Variants in KHDRBS2 observed in about 807,000 individuals in gnomAD.
KHDRBS2 encodes the protein KH RNA binding domain containing, signal transduction associated 2, also known as KH domain-containing, RNA-binding, signal transduction-associated protein 2.
KHDRBS2 carries 26 observed loss-of-function variants against 44.3 expected under a neutral mutation model. That is an observed-to-expected ratio of 0.59 (90% confidence interval 0.43 to 0.81). The LOEUF (loss-of-function observed/expected upper bound fraction) is 0.81. KHDRBS2 is among the 40% of genes least tolerant of loss of function. The pLI, the probability that KHDRBS2 is intolerant of heterozygous loss-of-function variation, is 0.00. For missense variants in KHDRBS2, 476 were observed against 433.1 expected, an observed-to-expected ratio of 1.10 and a Z score of -0.88; for synonymous variants, 194 against 151.1, an observed-to-expected ratio of 1.28 and a Z score of -2.08.
intron 6 of KHDRBS2, among the ~76,000 whole-genome samples, chr6:61,832,810 A>T (rs934276301): frequency 1.3e-5 from 2 of 152,170 alleles, no homozygotes; most frequent in African/African-American, 4.8e-5. Context: ...TGGCAGTCTC[A>T]AGTCTTTTTG....
intron 1 of KHDRBS2, among the ~76,000 whole-genome samples, chr6:62,254,575 T>C (rs1262478503): frequency 6.6e-6 from 1 of 151,922 alleles, no homozygotes; most frequent in Non-Finnish European, 1.5e-5. Flanking sequence ...CAGATCTTTA[T>C]CAGAAAAGTA....
the KHDRBS2 span, among the ~76,000 whole-genome samples, chr6:61,590,438 T>C: frequency 3.9e-5 from 6 of 152,318 alleles, no homozygotes; most frequent in South Asian, 1.2e-3. Context: ...AAATAAATTC[T>C]GCAAGTTACT....
intron 6 of KHDRBS2, among the ~76,000 whole-genome samples, chr6:61,845,684 A>T (rs1794302019): frequency 6.6e-6 from 1 of 152,190 alleles, no homozygotes; most frequent in East Asian, 1.9e-4. Context: ...ACTTCTCACT[A>T]AACTACTACT....
chr6:61,702,574 AT>A (rs558510955), intron 7 of KHDRBS2, among the ~76,000 whole-genome samples: 16 of 152,058 alleles, frequency 1.1e-4, no homozygotes, highest in Admixed American at 2.0e-4. Context: ...AAATGTTTTA[AT>A]TTTAAAGACT....
chr6:62,079,866 C>A (rs955600868), intron 2 of KHDRBS2, among the ~76,000 whole-genome samples: 2 of 151,976 alleles, frequency 1.3e-5, no homozygotes, highest in African/African-American at 4.8e-5. Context: ...AATAGGAACT[C>A]TTCCAAATAA....
intron 7 of KHDRBS2, among the ~76,000 whole-genome samples, chr6:61,727,735 C>T (rs550439789): frequency 6.6e-6 from 1 of 152,196 alleles, no homozygotes; most frequent in African/African-American, 2.4e-5. Context: ...GAGATAACAT[C>T]TCACACCAGT....
At chr6:61,880,185 G>T (rs1333859270) in intron 6 of KHDRBS2, among the ~76,000 whole-genome samples, 2 of 151,784 alleles carry the variant, frequency 1.3e-5, no homozygotes, top group Admixed American at 6.6e-5. Context: ...GAAGACTCTC[G>T]AACAGATAAG....
At chr6:62,141,324 G>C (rs1562948334) in intron 2 of KHDRBS2, among the ~76,000 whole-genome samples, 1 of 152,156 alleles carries the variant, frequency 6.6e-6, no homozygotes, top group African/African-American at 2.4e-5. Flanking sequence ...ACAATATGTA[G>C]AGAAAGTGAT....
At chr6:62,042,149 C>T (rs1409590078) in intron 3 of KHDRBS2, among the ~76,000 whole-genome samples, 2 of 151,996 alleles carry the variant, frequency 1.3e-5, no homozygotes, top group Non-Finnish European at 2.9e-5. Context: ...ATCACAAGAG[C>T]TATGGTTCAG....
intron 3 of KHDRBS2, among the ~76,000 whole-genome samples, chr6:62,020,057 C>T (rs981257234): frequency 2.0e-5 from 3 of 151,722 alleles, no homozygotes; most frequent in Non-Finnish European, 4.4e-5. Context: ...ATGTTTAATG[C>T]TATGAAGTTC....
intron 6 of KHDRBS2, among the ~76,000 whole-genome samples, chr6:61,747,897 A>T (rs1438618220): frequency 1.3e-5 from 2 of 152,234 alleles, no homozygotes; most frequent in African/African-American, 4.8e-5. Flanking sequence ...GTTAACAGAT[A>T]AAATGTAAAT....
chr6:62,184,432 A>G (rs1386344963), intron 1 of KHDRBS2, among the ~76,000 whole-genome samples: 9 of 151,928 alleles, frequency 5.9e-5, no homozygotes, highest in Middle Eastern at 3.4e-3. Flanking sequence ...TGTAACAATT[A>G]TCCCACTTTC....
intron 3 of KHDRBS2, among the ~76,000 whole-genome samples, chr6:62,003,063 T>G (rs1409964629): frequency 3.3e-5 from 5 of 152,106 alleles, no homozygotes; most frequent in African/African-American, 1.2e-4. Flanking sequence ...ATACTTTTTT[T>G]TCCAACTGAT....
At chr6:62,228,980 G>T (rs1334499339) in intron 1 of KHDRBS2, among the ~76,000 whole-genome samples, 1 of 152,180 alleles carries the variant, frequency 6.6e-6, no homozygotes, top group Non-Finnish European at 1.5e-5. Flanking sequence ...TCACCCAGTT[G>T]GGTGGCACGA....
the KHDRBS2 span, among the ~76,000 whole-genome samples, chr6:61,627,050 G>T: frequency 6.6e-6 from 1 of 151,570 alleles, no homozygotes; most frequent in Non-Finnish European, 1.5e-5. Context: ...TCAGGAGATC[G>T]AGACCATCCT....
intron 3 of KHDRBS2, among the ~76,000 whole-genome samples, chr6:61,982,223 A>ATG (rs71717396): frequency 0.061 from 9,195 of 151,498 alleles, 350 homozygotes; most frequent in East Asian, 0.16. Context: ...AAATATATAT[A>ATG]TATATCTTAC....
chr6:61,836,091 G>C (rs1194157566), intron 6 of KHDRBS2, among the ~76,000 whole-genome samples: 3 of 151,972 alleles, frequency 2.0e-5, no homozygotes, highest in African/African-American at 7.2e-5. Flanking sequence ...CTTAGGAGGA[G>C]TAGAGCTGAA....
At chr6:62,141,139 A>T (rs1379739874) in intron 2 of KHDRBS2, among the ~76,000 whole-genome samples, 3 of 152,228 alleles carry the variant, frequency 2.0e-5, no homozygotes, top group Non-Finnish European at 4.4e-5. Context: ...AGACATAAGC[A>T]TGAACGTCAG....
chr6:61,810,680 G>T (rs1367926371), intron 6 of KHDRBS2, among the ~76,000 whole-genome samples: 2 of 151,860 alleles, frequency 1.3e-5, no homozygotes, highest in Non-Finnish European at 2.9e-5. Flanking sequence ...AGAAAATAAA[G>T]ACAGCAAAAA....
Sources: gnomAD v4.1 joint callset for allele counts (sites outside exome capture counted in the v4.1 genomes callset) on GRCh38, gnomAD v4.1.1 for gene constraint, MANE v1.5 for transcripts, NCBI Gene and HGNC (gene_info 2026-07-23, HGNC 2026-07-21) for gene names.